The following CCDC30 variants were observed in gnomAD, a reference collection of about 807,000 sequenced individuals.
CCDC30 encodes coiled-coil domain-containing protein 30.
A neutral mutation model predicts 100.2 loss-of-function variants in CCDC30; 70 were observed. That is an observed-to-expected ratio of 0.70 (90% CI 0.58 to 0.85). The LOEUF (loss-of-function observed/expected upper bound fraction) is 0.85, where lower values mean the gene tolerates loss of function less well. Among genes scored for constraint, CCDC30 ranks in the 40% least tolerant of loss-of-function variants. The probability of loss-of-function intolerance (pLI) is 0.00; values close to 1 mark genes in which losing one functional copy is unlikely to be tolerated. For missense variants in CCDC30, 652 were observed against 771.2 expected (o/e 0.85, Z 1.83); for synonymous variants, 233 against 269.5 (o/e 0.86, Z 1.33).
chr1:42,457,126 G>A, the CCDC30 span: 1 of 1,576,974 alleles, frequency 6.3e-7, no homozygotes, highest in Non-Finnish European at 8.6e-7. Context: ...TTTCTTTCCA[G>A]CCACTTATCC....
intron 10 of CCDC30, among the ~76,000 whole-genome samples, chr1:42,608,599 G>C (rs1392719601): frequency 6.6e-6 from 1 of 151,954 alleles, no homozygotes; most frequent in Non-Finnish European, 1.5e-5. Context: ...CAGCTACTCG[G>C]GAGGCTGAGG....
At chr1:42,584,055 C>T (rs1646020401) in intron 9 of CCDC30, among the ~76,000 whole-genome samples, 1 of 152,114 alleles carries the variant, frequency 6.6e-6, no homozygotes, top group Non-Finnish European at 1.5e-5. Flanking sequence ...TTGCGTCATG[C>T]CAAGGTGAGC....
At chr1:42,587,841 C>T (rs1326582294) in intron 9 of CCDC30, among the ~76,000 whole-genome samples, 1 of 152,194 alleles carries the variant, frequency 6.6e-6, no homozygotes, top group Non-Finnish European at 1.5e-5. Context: ...TTTTCACAAA[C>T]TTTATTCTAT....
At chr1:42,553,785 ATTG>A (rs1201956580) in intron 6 of CCDC30, among the ~76,000 whole-genome samples, 1 of 152,046 alleles carries the variant, frequency 6.6e-6, no homozygotes, top group African/African-American at 2.4e-5. Context: ...GGAAAATTTC[ATTG>A]TTGTTTTATA....
At chr1:42,480,304 T>A (rs923366471) in intron 1 of CCDC30, among the ~76,000 whole-genome samples, 157 bp from the exon 2 acceptor site, 13 of 152,164 alleles carry the variant, frequency 8.5e-5, no homozygotes, top group Non-Finnish European at 1.9e-4. Flanking sequence ...GCTATCTTTT[T>A]AAAAAAATTA....
At chr1:42,498,245 G>A (rs990837493) in intron 5 of CCDC30, among the ~76,000 whole-genome samples, 2 of 152,166 alleles carry the variant, frequency 1.3e-5, no homozygotes, top group Admixed American at 6.5e-5. Context: ...GAGACAGAAA[G>A]TATTAATAGA....
intron 6 of CCDC30, among the ~76,000 whole-genome samples, chr1:42,544,984 T>C (rs1266005226): frequency 2.0e-5 from 3 of 151,890 alleles, no homozygotes; most frequent in Non-Finnish European, 4.4e-5. Context: ...CAATATATTT[T>C]TGTTTTTATT....
In CCDC30 at chr1:42,550,180, A is replaced by G. The variant is rs574051636; in HGVS notation, c.457-16116A>G. Among the ~76,000 whole-genome samples, 4 of 152,240 alleles carry G rather than the reference A, an allele frequency of 2.6e-5. No homozygotes were observed. The South Asian group carries it at 8.3e-4, about 32-fold the overall frequency. ...TCCACCAACACATCCTGTCACTTCT[A>G]CCATGAAAACATAAAATATTGAATC... On this transcript the variant is annotated intron_variant, in intron 6 of 16. Coordinates refer to ENST00000668663, the Ensembl canonical transcript of CCDC30.
the CCDC30 span, among the ~76,000 whole-genome samples, chr1:42,458,028 G>A: frequency 1.3e-5 from 2 of 151,964 alleles, no homozygotes; most frequent in East Asian, 3.9e-4. Flanking sequence ...GGTCATTCCA[G>A]GTGGAGTATG....
At chr1:42,641,462 G>A (rs1277688083) in intron 12 of CCDC30, among the ~76,000 whole-genome samples, 1 of 151,658 alleles carries the variant, frequency 6.6e-6, no homozygotes, top group African/African-American at 2.4e-5. Flanking sequence ...TGAGGCACAT[G>A]ATCACTTGAG....
chr1:42,534,406 G>GA (rs972683617), intron 6 of CCDC30, among the ~76,000 whole-genome samples: 5 of 152,044 alleles, frequency 3.3e-5, no homozygotes, highest in African/African-American at 4.8e-5. Context: ...GGTACTCTGG[G>GA]AAAAAAACAT....
intron 6 of CCDC30, among the ~76,000 whole-genome samples, chr1:42,503,029 C>A (rs921970821): frequency 6.6e-6 from 1 of 152,076 alleles, no homozygotes; most frequent in Non-Finnish European, 1.5e-5. Flanking sequence ...ACTATAAATG[C>A]GCACCACCAC....
intron 6 of CCDC30, among the ~76,000 whole-genome samples, 177 bp from the exon 9 acceptor site, chr1:42,545,233 T>G (rs928939581): frequency 4.1e-4 from 59 of 142,988 alleles, no homozygotes; most frequent in African/African-American, 1.4e-3. Flanking sequence ...AAAAATCGAT[T>G]AAGTAATATA....
At chr1:42,581,710 G>A (rs765251464) in intron 9 of CCDC30, among the ~76,000 whole-genome samples, 196 bp downstream of exon 13, 1 of 152,104 alleles carries the variant, frequency 6.6e-6, no homozygotes, top group Non-Finnish European at 1.5e-5. Context: ...GTTTACCTCT[G>A]GCGCTAGAGT....
At chr1:42,543,809 A>T (rs1557839976) in intron 6 of CCDC30, among the ~76,000 whole-genome samples, 1 of 152,222 alleles carries the variant, frequency 6.6e-6, no homozygotes, top group Admixed American at 6.5e-5. Context: ...TTATGAGATT[A>T]TAGTCCATTT....
At chr1:42,586,871 AG>A (rs1646081037) in intron 9 of CCDC30, among the ~76,000 whole-genome samples, 2 of 152,360 alleles carry the variant, frequency 1.3e-5, no homozygotes, top group South Asian at 4.1e-4. Flanking sequence ...GAGTCTTATC[AG>A]TACACCAATT....
chr1:42,536,255 T>A (rs1644902538), intron 6 of CCDC30, among the ~76,000 whole-genome samples: 1 of 152,182 alleles, frequency 6.6e-6, no homozygotes, highest in Non-Finnish European at 1.5e-5. Context: ...ATTCCTACTG[T>A]GATGGCTATA....
chr1:42,589,547 T>C, intron 10 of CCDC30, 64 bp downstream of exon 14: 1 of 1,414,410 alleles, frequency 7.1e-7, no homozygotes, highest in Non-Finnish European at 1.0e-6. Context: ...CTAATTATTA[T>C]TGAGTGCCTA....
intron 6 of CCDC30, among the ~76,000 whole-genome samples, chr1:42,534,545 T>C (rs1332521452): frequency 6.6e-6 from 1 of 152,256 alleles, no homozygotes; most frequent in East Asian, 1.9e-4. Flanking sequence ...ATTTTTCTAA[T>C]AGCATTCCCC....
Sources: allele counts gnomAD v4.1 joint callset (sites outside exome capture counted in the v4.1 genomes callset), GRCh38; gene constraint gnomAD v4.1.1; transcripts MANE v1.5; gene names NCBI Gene and HGNC (gene_info 2026-07-23, HGNC 2026-07-21).